Variants in LAMA1 observed in about 807,000 individuals in gnomAD.
LAMA1 encodes the protein laminin subunit alpha 1, also known as laminin subunit alpha-1.
Under a neutral mutation model 348.7 loss-of-function variants are expected in LAMA1, and 219 were observed. The observed-to-expected ratio is 0.63, with a 90% CI of 0.56 to 0.70. LAMA1 has a LOEUF of 0.70. LAMA1 is among the 30% of genes least tolerant of loss of function. The probability of loss-of-function intolerance (pLI) is 0.00; values close to 1 mark genes in which losing one functional copy is unlikely to be tolerated. For synonymous variants in LAMA1, 1,487 were observed against 1,491.0 expected (o/e 1.00, Z 0.06); for missense variants, 3,744 against 3,888.0 (o/e 0.96, Z 0.99).
chr18:6,971,773 G>A (rs1373309655), intron 48 of LAMA1, 84 bp downstream of exon 48: 14 of 1,568,008 alleles, frequency 8.9e-6, no homozygotes, highest in South Asian at 5.6e-5. Flanking sequence ...ATTCCTTGAC[G>A]TGCATGTATT....
intron 3 of LAMA1, among the ~76,000 whole-genome samples, chr18:7,053,333 T>C (rs138392744): frequency 2.1e-4 from 32 of 152,296 alleles, no homozygotes; most frequent in African/African-American, 6.7e-4. Flanking sequence ...AGGTAAACTA[T>C]GGACTCAACA....
chr18:6,971,189 G>A (rs2057656682), intron 48 of LAMA1, among the ~76,000 whole-genome samples: 2 of 152,184 alleles, frequency 1.3e-5, no homozygotes, highest in Admixed American at 6.5e-5. Context: ...TACTTAAGGA[G>A]TTGCAGTTAT....
intron 42 of LAMA1, among the ~76,000 whole-genome samples, chr18:6,980,144 A>G (rs1167384962): frequency 6.6e-6 from 1 of 152,204 alleles, no homozygotes; most frequent in African/African-American, 2.4e-5. Context: ...CGCCACACTG[A>G]TAATGAATCT....
rs1156594789 is a variant in LAMA1 at position 7,034,628 on chromosome 18, G to A, written c.1902C>T (p.Tyr634=). ...CAGGCACAAGTCTAACCACGTTTAG[G>A]TACTCTTCATAAGGCTGCAATGACA... ...EGLSLQPYEE[Y]LNVVRLVPEN... The change falls in exon 14 of 63, where the codon TAC becomes TAT. Residue 634 remains tyrosine (Y), a synonymous_variant. Transcript: ENST00000389658. 1.2e-6 allele frequency: 2 copies of A among 1,614,166 alleles called. No homozygotes were observed. The highest frequency in any genetic ancestry group is 1.7e-6 in the Non-Finnish European group (2 of 1,180,032).
chr18:7,017,293 C>T lies in LAMA1; in HGVS notation c.2793G>A (p.Gln931=). ...CDCKPNVTGQ[Q]CDQCLHGYYG... is the part of the protein sequence containing the mutation. Reference sequence around the variant, plus strand: ...TGCATCTTACCAAGCACTGGTCACACTGCTGTCCAGTCACGTTTGGTTTGC... The same window carrying T: ...TGCATCTTACCAAGCACTGGTCACATTGCTGTCCAGTCACGTTTGGTTTGC... Residue 931 remains glutamine, a synonymous_variant, in exon 20 of 63, where the codon CAG becomes CAA. Transcript: ENST00000389658. 1 of 1,612,964 alleles carries T rather than the reference C, an allele frequency of 6.2e-7. No individual in the cohort carries two copies. Among genetic ancestry groups the T allele is most frequent in the Non-Finnish European group, 8.5e-7 (1 of 1,179,042 alleles).
intron 3 of LAMA1, among the ~76,000 whole-genome samples, chr18:7,064,765 A>G (rs868017226): frequency 2.8e-4 from 43 of 152,216 alleles, no homozygotes; most frequent in African/African-American, 9.6e-4. Flanking sequence ...CTTCCTTCAT[A>G]TGAAGAACAC....
intron 1 of LAMA1, among the ~76,000 whole-genome samples, chr18:7,085,413 C>CTTTTTTTTTTTTTT (rs36122063): frequency 3.5e-5 from 3 of 85,272 alleles, no homozygotes; most frequent in Non-Finnish European, 2.0e-5. Flanking sequence ...TCTTCTTCTT[C>CTTTTTTTTTTTTTT]TTTTTTTTTT....
intron 1 of LAMA1, among the ~76,000 whole-genome samples, chr18:7,083,972 C>T (rs1359632301): frequency 3.4e-5 from 5 of 148,422 alleles, no homozygotes; most frequent in African/African-American, 1.2e-4. Context: ...ACTCGGGAGG[C>T]TGAGGCAGGA....
chr18:7,017,900 G>A (rs1019447658), intron 19 of LAMA1, among the ~76,000 whole-genome samples: 1 of 152,098 alleles, frequency 6.6e-6, no homozygotes, highest in Non-Finnish European at 1.5e-5. Context: ...AGGTCAGATG[G>A]TTCCATTTTA....
intron 1 of LAMA1, among the ~76,000 whole-genome samples, chr18:7,113,448 T>A (rs547679916): frequency 6.6e-6 from 1 of 152,236 alleles, no homozygotes; most frequent in African/African-American, 2.4e-5. Context: ...GCACATAATC[T>A]AAACTTATAG....
At chr18:7,082,730 T>G (rs1381044658) in intron 1 of LAMA1, among the ~76,000 whole-genome samples, 1 of 152,230 alleles carries the variant, frequency 6.6e-6, no homozygotes, top group Non-Finnish European at 1.5e-5. Flanking sequence ...GGCTCTGTAT[T>G]ACATACATGC....
intron 34 of LAMA1, 130 bp downstream of exon 34, chr18:6,995,227 A>G (rs1250272552): frequency 4.0e-6 from 3 of 742,212 alleles, no homozygotes; most frequent in Non-Finnish European, 7.4e-6. Context: ...AAGTACCTGG[A>G]GCACAGCTCG....
intron 1 of LAMA1, among the ~76,000 whole-genome samples, chr18:7,112,463 C>T (rs186624295): frequency 4.6e-4 from 70 of 152,130 alleles, no homozygotes; most frequent in Admixed American, 4.6e-3. Flanking sequence ...CCTGAAGAAA[C>T]ATCTTTAGAC....
At chr18:7,007,913 T>TTTTA (rs58519890) in intron 28 of LAMA1, among the ~76,000 whole-genome samples, 17,237 of 136,574 alleles carry the variant, frequency 0.13, 1,144 homozygotes, top group African/African-American at 0.17. Flanking sequence ...ATTACTCCAC[T>TTTTA]TTTATTTATT....
rs1220737694 is a variant in LAMA1 at position 6,986,279 on chromosome 18, A to G, written c.5237T>C (p.Leu1746Ser). ...YQKPLEELEV[L>S]KEAASHVLSK... ...AAGGACGTGGCTTGCTGCTTCTTTC[A>G]ATACCTCCAATTCTTCCAGCGGCTT... The change falls in exon 37 of 63, where the codon TTG (leucine) becomes TCG (serine). Residue 1746 changes from leucine to serine, a missense_variant. Around this residue, in one of 3 missense-constraint regions of LAMA1, gnomAD observed 1,983 missense variants for 1,934.3 expected, o/e 1.03. Transcript: ENST00000389658. The G allele has an allele frequency of 6.2e-6, 10 of 1,614,074 alleles. No individual in the cohort carries two copies. Among genetic ancestry groups the G allele is most frequent in the Non-Finnish European group, 8.5e-6 (10 of 1,180,058 alleles).
At position 6,961,715 on chromosome 18, in the gene LAMA1, C is replaced by A; in HGVS notation, c.7497G>T (p.Leu2499Phe). The A allele has an allele frequency of 6.2e-7, 1 of 1,614,072 alleles. No homozygotes were observed. Among genetic ancestry groups the A allele is most frequent in the Non-Finnish European group, 8.5e-7 (1 of 1,180,016 alleles). The change falls in exon 53 of 63, where the codon TTG (leucine) becomes TTT (phenylalanine). Residue 2499 changes from leucine to phenylalanine, a missense_variant. Physicochemically the swap from Leu to Phe is conservative, Grantham distance 22. Coordinates refer to ENST00000389658, the MANE Select transcript of LAMA1 (RefSeq NM_005559.4). ...VSFLKGGYIE[L>F]PPKSLSPESE... ...ATTCTGGTGACAAAGATTTGGGTGG[C>A]AATTCAATGTAGCCGCCTTTCAGGA...
At chr18:6,995,606 G>A (rs568162566) in intron 33 of LAMA1, among the ~76,000 whole-genome samples, 160 bp from the exon 34 acceptor site, 4 of 151,994 alleles carry the variant, frequency 2.6e-5, no homozygotes, top group South Asian at 4.2e-4. Flanking sequence ...CTTAGGTTTC[G>A]ATTATAGCGA....
intron 39 of LAMA1, among the ~76,000 whole-genome samples, chr18:6,983,962 CA>C (rs2057723313): frequency 6.6e-6 from 1 of 151,990 alleles, no homozygotes. Flanking sequence ...ATTGGACTGG[CA>C]AAATTCTGTG....
At chr18:7,023,005 C>T (rs540380014) in intron 19 of LAMA1, among the ~76,000 whole-genome samples, 159 bp downstream of exon 19, 8 of 152,168 alleles carry the variant, frequency 5.3e-5, no homozygotes, top group African/African-American at 1.9e-4. Context: ...AGAACTGGGT[C>T]GTGGGTCTGT....
Sources: allele counts gnomAD v4.1 joint callset (sites outside exome capture counted in the v4.1 genomes callset), GRCh38; gene constraint gnomAD v4.1.1; regional missense constraint gnomAD v4.1.1; transcripts MANE v1.5; gene names NCBI Gene and HGNC (gene_info 2026-07-23, HGNC 2026-07-21).